RP1L1: variants seen among roughly 807,000 people sequenced by gnomAD.
RP1L1 encodes the protein retinitis pigmentosa 1-like 1 protein.
Under a neutral mutation model 15.7 loss-of-function variants are expected in RP1L1, and 27 were observed. The observed-to-expected ratio is 1.72, with a 90% CI of 1.27 to 2.38. The LOEUF (loss-of-function observed/expected upper bound fraction) is 2.38. Ranked by LOEUF, RP1L1 falls within the 30% of genes most tolerant of loss-of-function variation. RP1L1 has a pLI of 0.00. For missense variants in RP1L1, 4,798 were observed against 3,075.9 expected (o/e 1.56, Z -13.24); for synonymous variants, 1,813 against 1,276.7 (o/e 1.42, Z -8.96).
At chr8:10,646,826 T>C (rs1798485976) in intron 1 of RP1L1, among the ~76,000 whole-genome samples, 1 of 152,238 alleles carries the variant, frequency 6.6e-6, no homozygotes, top group Admixed American at 6.5e-5. Context: ...GCGGAGAGGC[T>C]ATGAAGATCA....
Position 10,622,711 on chromosome 8 carries a change from A to T in RP1L1, c.491T>A (p.Leu164His). ...GTGACTGAGAACCACTGTCTGCTGG[A>T]GGCGAGGGTCCATGTTCTTAATCAG... ...ILLIKNMDPR[L>H]QQTVVLSHRN... The change falls in exon 2 of 4, where the codon CTC becomes CAC. Residue 164 changes from leucine (L) to histidine (H), a missense_variant. Leu to His is a moderately conservative substitution (Grantham distance 99). Coordinates refer to ENST00000382483, the MANE Select transcript of RP1L1 (RefSeq NM_178857.6). 1 of 1,614,140 alleles carries T rather than the reference A, an allele frequency of 6.2e-7. No homozygotes were observed. Among genetic ancestry groups the T allele is most frequent in the Non-Finnish European group, 8.5e-7 (1 of 1,180,030 alleles).
chr8:10,618,954 GC>G (rs1798016059), intron 2 of RP1L1, among the ~76,000 whole-genome samples: 1 of 152,038 alleles, frequency 6.6e-6, no homozygotes, highest in African/African-American at 2.4e-5. Flanking sequence ...AGGTTCAACC[GC>G]CACCTCCCAG....
chr8:10,644,167 C>T (rs1798443824), intron 1 of RP1L1, among the ~76,000 whole-genome samples: 1 of 151,838 alleles, frequency 6.6e-6, no homozygotes, highest in African/African-American at 2.4e-5. Flanking sequence ...CGTTCGGGGA[C>T]AGGGCAACTG....
intron 1 of RP1L1, among the ~76,000 whole-genome samples, chr8:10,625,105 ATCGC>A (rs1798136181): frequency 6.6e-6 from 1 of 152,142 alleles, no homozygotes; most frequent in African/African-American, 2.4e-5. Flanking sequence ...GATACGCAAA[ATCGC>A]GTATCAGTCA....
At chr8:10,614,061 T>C (rs1442977671) in intron 3 of RP1L1, among the ~76,000 whole-genome samples, 2 of 152,230 alleles carry the variant, frequency 1.3e-5, no homozygotes, top group African/African-American at 4.8e-5. Context: ...TAGTAGGCTC[T>C]CGAGAGATGG....
At chr8:10,644,285 C>CA (rs35056017) in intron 1 of RP1L1, among the ~76,000 whole-genome samples, 2,024 of 132,536 alleles carry the variant, frequency 0.015, 31 homozygotes, top group South Asian at 0.098. Flanking sequence ...ACCTTCTTCT[C>CA]AAAAAAAAAA....
At chr8:10,635,006 G>T (rs1798307807) in intron 1 of RP1L1, among the ~76,000 whole-genome samples, 1 of 152,186 alleles carries the variant, frequency 6.6e-6, no homozygotes, top group Non-Finnish European at 1.5e-5. Flanking sequence ...CTTTTTCCCT[G>T]CAGTGCCACC....
chr8:10,629,306 C>T (rs1213811434), intron 1 of RP1L1, among the ~76,000 whole-genome samples: 1 of 152,144 alleles, frequency 6.6e-6, no homozygotes, highest in Non-Finnish European at 1.5e-5. Flanking sequence ...TGGGGGCTAC[C>T]CATGGCCCTG....
At chr8:10,630,386 T>G (rs1223818975) in intron 1 of RP1L1, among the ~76,000 whole-genome samples, 1 of 152,196 alleles carries the variant, frequency 6.6e-6, no homozygotes, top group Non-Finnish European at 1.5e-5. Context: ...CCAGGACTGT[T>G]CCTACACACG....
chr8:10,615,809 T>C (rs564609816), intron 3 of RP1L1, among the ~76,000 whole-genome samples: 1 of 152,304 alleles, frequency 6.6e-6, no homozygotes, highest in East Asian at 1.9e-4. Flanking sequence ...CCCAAGTTGC[T>C]AGGAATAAAG....
chr8:10,606,794 A>C lies in RP1L1; in HGVS notation c.*101T>G. ...AGTCCTTGGTCTTTGTCCATGTACT[A>C]TGGACATCTCCAGTGGACTGAACGT... On this transcript the variant is annotated 3_prime_UTR_variant, in exon 4 of 4. Transcript: ENST00000382483. The C allele has an allele frequency of 6.3e-7, 1 of 1,582,210 alleles. No homozygotes were observed. Among genetic ancestry groups the C allele is most frequent in the Middle Eastern group, 2.2e-4 (1 of 4,464 alleles).
In RP1L1 at chr8:10,616,555, G is replaced by C. The variant is rs1245083448; in HGVS notation, c.642C>G (p.Pro214=). The C allele has an allele frequency of 6.2e-7, 1 of 1,613,732 alleles. No individual in the cohort carries two copies. Among genetic ancestry groups the C allele is most frequent in the Non-Finnish European group, 8.5e-7 (1 of 1,180,038 alleles). ...VDSLQALLHS[P]SVLVCAGHEA... Reference sequence around the variant, plus strand: ...CATGCCCGGCACACACCAGCACAGAGGGGCTGTGCAGCAGGGCCTGCAGCG... The same window carrying C: ...CATGCCCGGCACACACCAGCACAGACGGGCTGTGCAGCAGGGCCTGCAGCG... The change falls in exon 3 of 4, where the codon CCC becomes CCG. Residue 214 remains proline, a synonymous_variant. Coordinates refer to ENST00000382483, the MANE Select transcript of RP1L1 (RefSeq NM_178857.6).
Position 10,609,080 on chromosome 8 carries a change from T to G in RP1L1, c.5018A>C (p.Lys1673Thr). Residue 1673 changes from lysine (K) to threonine (T), a missense_variant, in exon 4 of 4, where the codon AAG (lysine) becomes ACG (threonine). Transcript: ENST00000382483. ...ACCTCTGGTTGCCCCCATTGTGGCC[T>G]TGGGGGACATAGGGCTCACTTTCTT... is the stretch of plus-strand genomic sequence containing the variant. Reference protein sequence around the residue: ...VRKKVSPMSPKATMGATRGPI... With the variant: ...VRKKVSPMSPTATMGATRGPI... 1.2e-6 allele frequency: 2 copies of G among 1,613,776 alleles called. No homozygotes were observed. Among genetic ancestry groups the G allele is most frequent in the Non-Finnish European group, 1.7e-6 (2 of 1,179,732 alleles).
At chr8:10,634,025 C>G (rs3924612) in intron 1 of RP1L1, among the ~76,000 whole-genome samples, 32,294 of 152,064 alleles carry the variant, frequency 0.21, 3,932 homozygotes, top group Non-Finnish European at 0.27. Context: ...CCCTGATCCC[C>G]AGCTGCAGGC....
intron 1 of RP1L1, among the ~76,000 whole-genome samples, chr8:10,651,670 T>C (rs1258526170): frequency 6.8e-6 from 1 of 146,116 alleles, no homozygotes; most frequent in Non-Finnish European, 1.5e-5. Context: ...GGCAGGAGAA[T>C]CCCTTGAACT....
In RP1L1 at chr8:10,638,732, A is replaced by T. The variant is rs187375714; in HGVS notation, c.-19-15512T>A. ...CGTAGCTGGGACTAGGGCTGAGGAC[A>T]AACAAGGGGGCTCTCCAGACGGAGG... On this transcript the variant is annotated intron_variant, in intron 1 of 3. Coordinates refer to ENST00000382483, the MANE Select transcript of RP1L1 (RefSeq NM_178857.6). Among the ~76,000 whole-genome samples, 460 of 152,324 alleles carry T rather than the reference A, an allele frequency of 3.0e-3. 4 individuals are homozygous for T. Among genetic ancestry groups the T allele is most frequent in the Middle Eastern group, 6.8e-3 (2 of 294 alleles).
chr8:10,647,322 A>G (rs1033780258), intron 1 of RP1L1, among the ~76,000 whole-genome samples: 1 of 152,028 alleles, frequency 6.6e-6, no homozygotes. Flanking sequence ...TTGTGTTTTT[A>G]TTTTTTTAAT....
In RP1L1 at chr8:10,613,282, T is replaced by A. The variant is rs372299228; in HGVS notation, c.816A>T (p.Pro272=). The A allele has an allele frequency of 2.5e-6, 4 of 1,607,058 alleles. No homozygotes were observed. In the African/African-American group the frequency reaches 5.3e-5, roughly 21 times the overall value. ...TAGGACCAGGCCTTTCTGGCAGCCG[T>A]GGCGTGCTGCCTGGCGGAGACCGCG... ...IHSRSPPGST[P]RLPERPGPSN... The change falls in exon 4 of 4, where the codon CCA becomes CCT. Residue 272 remains proline (P), a synonymous_variant. Coordinates refer to ENST00000382483, the MANE Select transcript of RP1L1 (RefSeq NM_178857.6).
intron 1 of RP1L1, among the ~76,000 whole-genome samples, chr8:10,653,852 C>T (rs1296607076): frequency 6.6e-6 from 1 of 152,210 alleles, no homozygotes; most frequent in African/African-American, 2.4e-5. Context: ...TGTGTTCTCA[C>T]TGTCTGAGAT....
Sources: allele counts gnomAD v4.1 joint callset (sites outside exome capture counted in the v4.1 genomes callset), GRCh38; gene constraint gnomAD v4.1.1; transcripts MANE v1.5; gene names NCBI Gene and HGNC (gene_info 2026-07-23, HGNC 2026-07-21).